Variants in DNM3 observed in about 807,000 individuals in gnomAD.
DNM3 encodes dynamin 3, also known as dynamin-3.
A neutral mutation model predicts 101.6 loss-of-function variants in DNM3; 47 were observed. The ratio of observed to expected loss-of-function variants is 0.46; its 90% CI spans 0.37 to 0.59. The LOEUF (loss-of-function observed/expected upper bound fraction) is 0.59, where lower values mean the gene tolerates loss of function less well. Ranked by LOEUF, DNM3 falls within the 20% of genes least tolerant of loss-of-function variation. The pLI, the probability that DNM3 is intolerant of heterozygous loss-of-function variation, is 0.00. For synonymous variants in DNM3, 385 were observed against 387.9 expected (o/e 0.99, Z 0.09); for missense variants, 849 against 1,085.7 (o/e 0.78, Z 3.06).
rs1346621075 is a variant in DNM3 at position 172,040,822 on chromosome 1, A to G, written c.993-1187A>G. On this transcript the variant is annotated intron_variant, in intron 7 of 20. Transcript: ENST00000627582. The stretch of plus-strand genomic sequence containing the variant: ...TTAGTCAGGCAAAGCAGCAAGGGAC[A>G]GAGAGAATGGTGTTCTGAGCAGAAA... Among the ~76,000 whole-genome samples the G allele has an allele frequency of 2.0e-5, 3 of 151,580 alleles. No homozygotes were observed. The East Asian group carries it at 5.8e-4, about 29-fold the overall frequency.
At chr1:171,880,925 C>A (rs1341792260) in intron 1 of DNM3, among the ~76,000 whole-genome samples, 1 of 151,874 alleles carries the variant, frequency 6.6e-6, no homozygotes, top group Admixed American at 6.6e-5. Context: ...ACCTATGTGT[C>A]TTTTATTTCT....
chr1:172,059,947 C>T (rs952547738), intron 10 of DNM3, among the ~76,000 whole-genome samples: 2 of 143,826 alleles, frequency 1.4e-5, no homozygotes, highest in African/African-American at 5.2e-5. Context: ...CTAGAAAACC[C>T]CATTGTCTCA....
chr1:171,877,306 T>C (rs577885040), intron 1 of DNM3, among the ~76,000 whole-genome samples: 2 of 152,338 alleles, frequency 1.3e-5, no homozygotes, highest in South Asian at 4.1e-4. Context: ...ATTAAACATA[T>C]TCTTAAATGA....
At chr1:171,973,479 A>C (rs1342883297) in intron 2 of DNM3, among the ~76,000 whole-genome samples, 1 of 152,060 alleles carries the variant, frequency 6.6e-6, no homozygotes, top group African/African-American at 2.4e-5. Flanking sequence ...GAATTTGTTG[A>C]GACCCTATAC....
chr1:171,925,706 T>C (rs2040516987), intron 2 of DNM3, among the ~76,000 whole-genome samples: 2 of 152,234 alleles, frequency 1.3e-5, no homozygotes, highest in South Asian at 2.1e-4. Flanking sequence ...ATGTCTTTAG[T>C]TTAGTTAAGT....
chr1:171,853,485 A>T (rs55702618), intron 1 of DNM3, among the ~76,000 whole-genome samples: 7,751 of 152,206 alleles, frequency 0.051, 287 homozygotes, highest in Non-Finnish European at 0.071. Flanking sequence ...TTTATTTTTT[A>T]AAAAAGCTTA....
intron 2 of DNM3, among the ~76,000 whole-genome samples, chr1:171,942,086 C>G (rs1206139891): frequency 1.3e-5 from 2 of 151,756 alleles, no homozygotes; most frequent in Non-Finnish European, 2.9e-5. Context: ...AAATGATTCA[C>G]AAGACTAGTA....
intron 14 of DNM3, among the ~76,000 whole-genome samples, chr1:172,192,503 T>C (rs2059768342): frequency 6.7e-6 from 1 of 149,002 alleles, no homozygotes; most frequent in African/African-American, 2.5e-5. Context: ...ATTAGGTATA[T>C]CTCCCAATGC....
chr1:171,921,478 C>T (rs1430733374), intron 1 of DNM3, among the ~76,000 whole-genome samples: 2 of 152,116 alleles, frequency 1.3e-5, no homozygotes, highest in African/African-American at 2.4e-5. Context: ...TAAGGGCAAA[C>T]TTTTATCAGT....
At chr1:171,852,609 A>G in intron 1 of DNM3, among the ~76,000 whole-genome samples, 1 of 152,204 alleles carries the variant, frequency 6.6e-6, no homozygotes, top group East Asian at 1.9e-4. Flanking sequence ...GTCTCTAAAT[A>G]TTTGAGGAGC....
chr1:172,409,001 G>A lies in DNM3; in HGVS notation c.*1160G>A. ...CCCTATCCAGGTCACTCCAGAAAAG[G>A]GTATTGAAACGTTGAAATCTAAAGC... On this transcript the variant is annotated 3_prime_UTR_variant, in exon 21 of 21. Transcript: ENST00000627582. 1.0e-6 allele frequency: 1 copy of A among 985,268 alleles called. No individual in the cohort carries two copies. Among genetic ancestry groups the A allele is most frequent in the Non-Finnish European group, 1.2e-6 (1 of 829,868 alleles). 61.0% of individuals were successfully genotyped at this position (985,268 alleles called of 1,614,324 possible).
intron 11 of DNM3, among the ~76,000 whole-genome samples, chr1:172,075,869 A>AT (rs201394629): frequency 0.037 from 5,646 of 152,212 alleles, 244 homozygotes; most frequent in East Asian, 0.13. Context: ...TGGTAGCTTG[A>AT]GGGGATAGCA....
At chr1:171,973,752 C>T (rs952153351) in intron 2 of DNM3, among the ~76,000 whole-genome samples, 5 of 151,796 alleles carry the variant, frequency 3.3e-5, no homozygotes, top group African/African-American at 1.2e-4. Flanking sequence ...CAGCCTCAAC[C>T]TCCAGGGCTC....
At chr1:171,983,179 G>T (rs146448498) in intron 2 of DNM3, among the ~76,000 whole-genome samples, 91 of 152,136 alleles carry the variant, frequency 6.0e-4, no homozygotes, top group Middle Eastern at 3.4e-3. Context: ...TGTTGGCTGG[G>T]CACAGTGGTT....
At chr1:172,069,735 A>G (rs796983785) in intron 11 of DNM3, among the ~76,000 whole-genome samples, 22 of 152,286 alleles carry the variant, frequency 1.4e-4, no homozygotes, top group African/African-American at 4.6e-4. Context: ...CCACAAAATA[A>G]CATCATGTTC....
intron 2 of DNM3, among the ~76,000 whole-genome samples, chr1:171,953,489 G>A (rs564232325): frequency 4.8e-4 from 72 of 149,554 alleles, no homozygotes; most frequent in Non-Finnish European, 9.0e-4. Flanking sequence ...GTGCAGTGGC[G>A]TGATCTCAGC....
At chr1:172,350,044 G>T (rs1044986351) in intron 17 of DNM3, among the ~76,000 whole-genome samples, 9 of 152,128 alleles carry the variant, frequency 5.9e-5, no homozygotes, top group Middle Eastern at 3.2e-3. Flanking sequence ...ATAATACATA[G>T]GAAATGCTAA....
chr1:172,010,725 G>T (rs1367153305), intron 4 of DNM3, among the ~76,000 whole-genome samples: 2 of 120,220 alleles, frequency 1.7e-5, no homozygotes, highest in Admixed American at 9.8e-5. Flanking sequence ...TGTGTGTGTA[G>T]CTGATGTTCT....
intron 13 of DNM3, 28 bp downstream of exon 13, chr1:172,092,903 A>G (rs886373613): frequency 2.6e-6 from 4 of 1,535,528 alleles, no homozygotes; most frequent in African/African-American, 2.8e-5. Context: ...GAATCAGTGT[A>G]TGCATGTCCC....
Sources: allele counts gnomAD v4.1 joint callset (sites outside exome capture counted in the v4.1 genomes callset), GRCh38; gene constraint gnomAD v4.1.1; transcripts MANE v1.5; gene names NCBI Gene and HGNC (gene_info 2026-07-23, HGNC 2026-07-21).